ZNF607: variants seen among roughly 807,000 people sequenced by gnomAD.
ZNF607 encodes the protein zinc finger protein 607.
In ZNF607, 5 loss-of-function variants were observed where a neutral mutation model predicts 12.8. That is an observed-to-expected ratio of 0.39 (90% CI 0.20 to 0.82). The LOEUF (loss-of-function observed/expected upper bound fraction) is 0.82, where lower values mean the gene tolerates loss of function less well. Among genes scored for constraint, ZNF607 ranks in the 40% least tolerant of loss-of-function variants. ZNF607 has a pLI of 0.39. For missense variants in ZNF607, 851 were observed against 859.2 expected, an observed-to-expected ratio of 0.99 and a Z score of 0.12; for synonymous variants, 287 against 276.2, an observed-to-expected ratio of 1.04 and a Z score of -0.39.
At position 37,699,634 on chromosome 19, in the gene ZNF607, C is replaced by G. The variant is rs750129424; in HGVS notation, c.497G>C (p.Arg166Pro). The stretch of plus-strand genomic sequence containing the variant: ...TTCTTCACATTCATAAGGTTTCTCA[C>G]GAGCATTAATTTTCTGATGCTTTCT... ...DLRKHQKINA[R>P]EKPYECEECG... The change falls in exon 5 of 5, where the codon CGT becomes CCT. Residue 166 changes from arginine (R) to proline (P), a missense_variant. Coordinates refer to ENST00000355202, the MANE Select transcript of ZNF607 (RefSeq NM_032689.5). The G allele has an allele frequency of 6.2e-7, 1 of 1,614,082 alleles. No individual in the cohort carries two copies.
Position 37,699,342 on chromosome 19 carries a change from C to T in ZNF607, c.789G>A (p.Arg263=), listed in dbSNP as rs1336860363. 1.2e-6 allele frequency: 2 copies of T among 1,613,898 alleles called. No homozygotes were observed. The highest frequency in any genetic ancestry group is 2.2e-5 in the East Asian group (1 of 44,832). ...FECNKCGKSF[R]LKAGLKVHQS... is the part of the protein sequence containing the mutation. ...GATGTACTTTAAGGCCTGCTTTGAGCCTAAAGGACTTCCCACATTTGTTAC... is the reference window on the plus strand; with the variant it reads ...GATGTACTTTAAGGCCTGCTTTGAGTCTAAAGGACTTCCCACATTTGTTAC... The change falls in exon 5 of 5, where the codon AGG becomes AGA. Residue 263 remains arginine, a synonymous_variant. Coordinates refer to ENST00000355202, the MANE Select transcript of ZNF607 (RefSeq NM_032689.5).
chr19:37,699,992 G>A (rs545232185), intron 4 of ZNF607, 97 bp from the exon 5 acceptor site: 17 of 1,102,974 alleles, frequency 1.5e-5, no homozygotes, highest in South Asian at 3.4e-5. Context: ...ATGCTAACTC[G>A]AAAATACAGT....
At position 37,698,802 on chromosome 19, in the gene ZNF607, A is replaced by G; in HGVS notation, c.1329T>C (p.His443=). The G allele has an allele frequency of 1.2e-6, 2 of 1,613,120 alleles. No individual in the cohort carries two copies. Among genetic ancestry groups the G allele is most frequent in the Non-Finnish European group, 1.7e-6 (2 of 1,179,666 alleles). ...TACATTCAAAGGGTTTGTAACCAGT[A>G]TGAATTCTGTTATGATGGGCAAGGT... The part of the protein sequence containing the change: ...RAHLAHHNRI[H]TGYKPFECKE... Residue 443 remains histidine, a synonymous_variant, in exon 5 of 5, where the codon CAT becomes CAC. Transcript: ENST00000355202.
chr19:37,696,797 CAG>C lies in ZNF607; in HGVS notation c.*1241_*1242del. On this transcript the variant is annotated 3_prime_UTR_variant, in exon 5 of 5. Coordinates refer to ENST00000355202, the MANE Select transcript of ZNF607 (RefSeq NM_032689.5). ...TCAGCTGCCTTGGAGTCACCCTCAG[CAG>C]AGATGATGGCCGCCTTTTCCACCAC... 2.2e-6 allele frequency: 3 copies of C among 1,340,954 alleles called. No individual in the cohort carries two copies. Among genetic ancestry groups the C allele is most frequent in the Non-Finnish European group, 3.2e-6 (3 of 940,212 alleles). 83.1% of individuals were successfully genotyped at this position (1,340,954 alleles called of 1,614,324 possible).
At chr19:37,707,842 C>A in intron 4 of ZNF607, 72 bp downstream of exon 4, 1 of 1,189,496 alleles carries the variant, frequency 8.4e-7, no homozygotes, top group Non-Finnish European at 1.2e-6. Flanking sequence ...ATGCGTTTAC[C>A]AAATGAGATG....
intron 1 of ZNF607, among the ~76,000 whole-genome samples, chr19:37,714,192 G>T (rs572522714): frequency 1.3e-5 from 2 of 151,984 alleles, no homozygotes; most frequent in East Asian, 3.9e-4. Context: ...CGTGGTGGCG[G>T]GCGCCTGTAG....
chr19:37,712,182 T>A (rs1241748991), intron 1 of ZNF607, among the ~76,000 whole-genome samples: 1 of 152,234 alleles, frequency 6.6e-6, no homozygotes, highest in Non-Finnish European at 1.5e-5. Context: ...TATAACAGAC[T>A]ATCACTGTCC....
chr19:37,699,416 G>C lies in ZNF607; in HGVS notation c.715C>G (p.Arg239Gly). 1.9e-6 allele frequency: 3 copies of C among 1,614,042 alleles called. No homozygotes were observed. Among genetic ancestry groups the C allele is most frequent in the Non-Finnish European group, 2.5e-6 (3 of 1,180,000 alleles). ...TGAATACTCTGATGTCGACTAAGTCGTCCATACACACTAAAGGCCTTGCCA... is the reference window on the plus strand; with the variant it reads ...TGAATACTCTGATGTCGACTAAGTCCTCCATACACACTAAAGGCCTTGCCA... The part of the protein sequence containing the change: ...ECGKAFSVYG[R>G]LSRHQSIHTG... Residue 239 changes from arginine to glycine, a missense_variant, in exon 5 of 5, where the codon CGA (arginine) becomes GGA (glycine). Physicochemically the swap from Arg to Gly is moderately radical, Grantham distance 125. Coordinates refer to ENST00000355202, the MANE Select transcript of ZNF607 (RefSeq NM_032689.5).
At chr19:37,707,854 C>A in intron 4 of ZNF607, 60 bp downstream of exon 4, 1 of 1,304,110 alleles carries the variant, frequency 7.7e-7, no homozygotes. Flanking sequence ...AATGAGATGA[C>A]CACTTCCACG....
Position 37,697,317 on chromosome 19 carries a change from T to C in ZNF607, c.*723A>G, listed in dbSNP as rs745841797. 1.3e-4 allele frequency: 143 copies of C among 1,135,382 alleles called. No individual in the cohort carries two copies. Among genetic ancestry groups the C allele is most frequent in the Non-Finnish European group, 1.8e-4 (135 of 752,772 alleles). The allele number at this position is 1,135,382 out of a possible 1,614,324, so 70.3% of individuals were successfully genotyped here. ...GGCAGCTCTGTGCCCAGCATCCACA[T>C]TACATAAGGCAGAGTTCACCATGCC... On this transcript the variant is annotated 3_prime_UTR_variant, in exon 5 of 5. Transcript: ENST00000355202.
At chr19:37,717,698 C>G (rs1310603377) in intron 1 of ZNF607, among the ~76,000 whole-genome samples, 2 of 147,974 alleles carry the variant, frequency 1.4e-5, no homozygotes, top group African/African-American at 5.0e-5. Flanking sequence ...CTCAGCTACT[C>G]AGGTGGCTGA....
At chr19:37,713,250 T>C (rs2045147052) in intron 1 of ZNF607, among the ~76,000 whole-genome samples, 1 of 151,976 alleles carries the variant, frequency 6.6e-6, no homozygotes, top group South Asian at 2.1e-4. Context: ...CACCAAGTAG[T>C]TCACCTAAAT....
rs753841818 is a variant in ZNF607 at position 37,698,218 on chromosome 19, A to C, written c.1913T>G (p.Val638Gly). Residue 638 changes from valine (V) to glycine (G), a missense_variant, in exon 5 of 5, where the codon GTT becomes GGT. Val to Gly is a moderately radical substitution (Grantham distance 109). Transcript: ENST00000355202. ...CASYLVRHES[V>G]HADGNPYMCE... is the part of the protein sequence containing the mutation. The stretch of plus-strand genomic sequence containing the variant: ...CATATAGGGATTTCCATCAGCATGA[A>C]CGCTTTCATGTCTAACAAGATATGA... 8.1e-6 allele frequency: 13 copies of C among 1,614,184 alleles called. No individual in the cohort carries two copies. The South Asian group carries it at 1.4e-4, about 18-fold the overall frequency.
chr19:37,705,348 T>C (rs2045072459), intron 4 of ZNF607, among the ~76,000 whole-genome samples: 1 of 152,132 alleles, frequency 6.6e-6, no homozygotes, highest in Admixed American at 6.5e-5. Flanking sequence ...GATAAAGCAA[T>C]GAACACTACC....
intron 4 of ZNF607, among the ~76,000 whole-genome samples, chr19:37,701,714 A>G (rs193206090): frequency 2.6e-4 from 39 of 152,346 alleles, no homozygotes; most frequent in Admixed American, 1.8e-3. Flanking sequence ...TGCAGCATCG[A>G]AACTTTATTT....
Position 37,696,834 on chromosome 19 carries a change from G to A in ZNF607, c.*1206C>T, listed in dbSNP as rs949310979. ...CCGCCTTTTCCACCACAAATCTGGCGCTCTCTGCTTCCTGGGGGGCCACCT... is the reference window on the plus strand; with the variant it reads ...CCGCCTTTTCCACCACAAATCTGGCACTCTCTGCTTCCTGGGGGGCCACCT... On this transcript the variant is annotated 3_prime_UTR_variant, in exon 5 of 5. Coordinates refer to ENST00000355202, the MANE Select transcript of ZNF607 (RefSeq NM_032689.5). The A allele has an allele frequency of 1.7e-5, 16 of 944,192 alleles. No homozygotes were observed. The highest frequency in any genetic ancestry group is 1.4e-4 in the African/African-American group (9 of 62,210). 58.5% of individuals were successfully genotyped at this position (944,192 alleles called of 1,614,324 possible).
At chr19:37,702,312 AAG>A (rs951344905) in intron 4 of ZNF607, among the ~76,000 whole-genome samples, 28 of 151,316 alleles carry the variant, frequency 1.9e-4, no homozygotes, top group Non-Finnish European at 3.8e-4. Flanking sequence ...AAAAAAAAGA[AAG>A]AAGAAAAAAT....
chr19:37,711,496 T>C (rs2045132211), intron 2 of ZNF607, 114 bp downstream of exon 2: 2 of 1,050,826 alleles, frequency 1.9e-6, no homozygotes, highest in East Asian at 2.4e-5. Flanking sequence ...GAACTGGAGA[T>C]TAGGTTAACT....
chr19:37,705,865 T>C (rs2045078729), intron 4 of ZNF607, among the ~76,000 whole-genome samples: 1 of 152,046 alleles, frequency 6.6e-6, no homozygotes, highest in Non-Finnish European at 1.5e-5. Flanking sequence ...TCTCTTTTGT[T>C]CTCATAAAGT....
Sources: allele counts gnomAD v4.1 joint callset (sites outside exome capture counted in the v4.1 genomes callset), GRCh38; gene constraint gnomAD v4.1.1; transcripts MANE v1.5; gene names NCBI Gene and HGNC (gene_info 2026-07-23, HGNC 2026-07-21).